ASIC2: variants seen among roughly 807,000 people sequenced by gnomAD.
ASIC2 encodes the protein acid sensing ion channel subunit 2, also known as acid-sensing ion channel 2.
ASIC2 carries 25 observed loss-of-function variants against 57.3 expected under a neutral mutation model. The ratio of observed to expected loss-of-function variants is 0.44; its 90% CI spans 0.32 to 0.61. The LOEUF (loss-of-function observed/expected upper bound fraction) is 0.61, where lower values mean the gene tolerates loss of function less well. ASIC2 is among the 20% of genes least tolerant of loss of function. ASIC2 has a pLI of 0.06. For synonymous variants in ASIC2, 319 were observed against 307.5 expected (o/e 1.04, Z -0.39); for missense variants, 641 against 738.1 (o/e 0.87, Z 1.52).
intron 1 of ASIC2, among the ~76,000 whole-genome samples, chr17:33,485,185 G>C (rs992391697): frequency 3.9e-5 from 6 of 152,250 alleles, no homozygotes; most frequent in Admixed American, 1.3e-4. Flanking sequence ...AAGACTATTG[G>C]CTCCTAAGAG....
intron 7 of ASIC2, among the ~76,000 whole-genome samples, chr17:33,019,623 A>G (rs1036246185): frequency 1.3e-5 from 2 of 151,994 alleles, no homozygotes; most frequent in African/African-American, 4.8e-5. Context: ...ATGGGACCTG[A>G]TGGCTGAGGG....
chr17:33,037,381 T>A (rs898754880), intron 3 of ASIC2, among the ~76,000 whole-genome samples: 12 of 146,348 alleles, frequency 8.2e-5, no homozygotes, highest in African/African-American at 3.0e-4. Context: ...GGTCAGCCAC[T>A]TCCCCCTCTT....
chr17:33,059,211 A>G (rs1007015639), intron 3 of ASIC2, among the ~76,000 whole-genome samples: 2 of 152,200 alleles, frequency 1.3e-5, no homozygotes, highest in Non-Finnish European at 2.9e-5. Flanking sequence ...CACAACGTGC[A>G]GGTTTGTTAC....
At chr17:33,721,955 A>G (rs1340733722) in intron 1 of ASIC2, among the ~76,000 whole-genome samples, 1 of 152,244 alleles carries the variant, frequency 6.6e-6, no homozygotes, top group Admixed American at 6.5e-5. Flanking sequence ...AAAGTGAAGA[A>G]GCAAACCACA....
At chr17:34,040,142 A>AGCG (rs1908065312) in intron 1 of ASIC2, among the ~76,000 whole-genome samples, 2 of 62,710 alleles carry the variant, frequency 3.2e-5, no homozygotes, top group African/African-American at 2.6e-4. Context: ...CCGGGCGGCC[A>AGCG]CGGGACCGGC....
intron 7 of ASIC2, among the ~76,000 whole-genome samples, chr17:33,019,752 C>G (rs2038561945): frequency 6.6e-6 from 1 of 152,084 alleles, no homozygotes; most frequent in Non-Finnish European, 1.5e-5. Flanking sequence ...ATATCTGACG[C>G]AGACATGACA....
Position 33,112,087 on chromosome 17 carries a change from G to A in ASIC2, c.709-20C>T. The A allele has an allele frequency of 6.2e-7, 1 of 1,603,686 alleles. No homozygotes were observed. The highest frequency in any genetic ancestry group is 1.3e-5 in the African/African-American group (1 of 74,698). Reference sequence around the variant, plus strand: ...AAACACCTGAAGGAGAGAAGAGAGAGAGAGAGAGAAGCACATGGGTAACTT... The same window carrying A: ...AAACACCTGAAGGAGAGAAGAGAGAAAGAGAGAGAAGCACATGGGTAACTT... On this transcript the variant is annotated intron_variant, in intron 1 of 9. Coordinates refer to ENST00000225823, the MANE Select transcript of ASIC2 (RefSeq NM_183377.2).
Position 33,021,299 on chromosome 17 carries a change from AG to A in ASIC2, c.1360del (p.Val455PhefsTer45). Reference protein sequence around the residue: ...KSEKYISENILVLDIFFEALN... With the variant: ...KSEKYISENIXVLDIFFEALN... The stretch of plus-strand genomic sequence containing the variant: ...AGCTTCAAAAAATATATCCAGAACA[AG>A]GATGTTCTCTCTGCAGAGAGAATAG... On this transcript the variant is annotated frameshift_variant, in exon 7 of 10. Transcript: ENST00000225823. LOFTEE classifies it high-confidence loss of function. 6.2e-7 allele frequency: 1 copy of A among 1,610,694 alleles called. No homozygotes were observed. The highest frequency in any genetic ancestry group is 8.5e-7 in the Non-Finnish European group (1 of 1,178,642).
chr17:34,093,633 T>C (rs543230577), intron 1 of ASIC2, among the ~76,000 whole-genome samples: 29 of 152,366 alleles, frequency 1.9e-4, no homozygotes, highest in African/African-American at 6.5e-4. Flanking sequence ...TAATGCTCTA[T>C]GGAGAAGGGA....
At chr17:34,034,099 A>G (rs964268788) in intron 1 of ASIC2, among the ~76,000 whole-genome samples, 12 of 152,160 alleles carry the variant, frequency 7.9e-5, no homozygotes, top group African/African-American at 2.9e-4. Flanking sequence ...AAACATCAAT[A>G]CAAAAATTCT....
intron 3 of ASIC2, among the ~76,000 whole-genome samples, chr17:33,062,787 A>C (rs1296313117): frequency 1.3e-5 from 2 of 151,958 alleles, no homozygotes; most frequent in Admixed American, 6.6e-5. Context: ...TTATTATTGT[A>C]TGGGAGTCTA....
chr17:33,694,706 CAG>C (rs1260625906), intron 1 of ASIC2, among the ~76,000 whole-genome samples: 1 of 152,156 alleles, frequency 6.6e-6, no homozygotes, highest in Non-Finnish European at 1.5e-5. Flanking sequence ...AGAGAGAGAA[CAG>C]GGGGTGAGAT....
At chr17:33,079,794 G>GT (rs1312332116) in intron 3 of ASIC2, among the ~76,000 whole-genome samples, 1 of 152,142 alleles carries the variant, frequency 6.6e-6, no homozygotes, top group Non-Finnish European at 1.5e-5. Context: ...AACCCACTTA[G>GT]TTTTCCGGTC....
At chr17:33,868,735 C>T (rs772855043) in intron 1 of ASIC2, among the ~76,000 whole-genome samples, 1 of 152,074 alleles carries the variant, frequency 6.6e-6, no homozygotes, top group African/African-American at 2.4e-5. Context: ...ATATAAGGAA[C>T]TCTTACAGAT....
At chr17:33,744,072 GA>G (rs1330550028) in intron 1 of ASIC2, among the ~76,000 whole-genome samples, 1 of 152,122 alleles carries the variant, frequency 6.6e-6, no homozygotes, top group Non-Finnish European at 1.5e-5. Context: ...CCCCTTAAAG[GA>G]ACTGACTTTG....
intron 1 of ASIC2, among the ~76,000 whole-genome samples, chr17:33,131,286 T>C (rs979141265): frequency 1.3e-5 from 2 of 152,140 alleles, no homozygotes; most frequent in African/African-American, 4.8e-5. Flanking sequence ...GACCCTTCTA[T>C]TGATAAAATT....
intron 1 of ASIC2, among the ~76,000 whole-genome samples, chr17:33,476,735 G>C (rs1474592726): frequency 6.6e-6 from 1 of 151,992 alleles, no homozygotes; most frequent in Admixed American, 6.6e-5. Context: ...AGGCCCAGAT[G>C]AAAAGAGTAG....
At chr17:33,905,174 C>T (rs1597924167) in intron 1 of ASIC2, among the ~76,000 whole-genome samples, 1 of 114,282 alleles carries the variant, frequency 8.8e-6, no homozygotes, top group African/African-American at 3.6e-5. Context: ...TTCCACTTAG[C>T]GTTCTTGCCT....
chr17:33,278,394 T>C (rs1904794527), intron 1 of ASIC2, among the ~76,000 whole-genome samples: 1 of 151,960 alleles, frequency 6.6e-6, no homozygotes, highest in Non-Finnish European at 1.5e-5. Flanking sequence ...GTCTCTGTAG[T>C]CCCAGCTACT....
Sources: allele counts gnomAD v4.1 joint callset (sites outside exome capture counted in the v4.1 genomes callset), GRCh38; gene constraint gnomAD v4.1.1; transcripts MANE v1.5; gene names NCBI Gene and HGNC (gene_info 2026-07-23, HGNC 2026-07-21).